TENM4: variants seen among roughly 807,000 people sequenced by gnomAD.
The protein encoded by TENM4 is teneurin-4.
Under a neutral mutation model 243.3 loss-of-function variants are expected in TENM4, and 82 were observed. The observed-to-expected ratio is 0.34, with a 90% CI of 0.28 to 0.40. The LOEUF (loss-of-function observed/expected upper bound fraction) is 0.40, where lower values mean the gene tolerates loss of function less well. Among genes scored for constraint, TENM4 ranks in the 10% least tolerant of loss-of-function variants. The probability of loss-of-function intolerance (pLI) is 1.00; values close to 1 mark genes in which losing one functional copy is unlikely to be tolerated. For missense variants in TENM4, 3,138 were observed against 3,673.3 expected (o/e 0.85, Z 3.77); for synonymous variants, 1,412 against 1,456.3 (o/e 0.97, Z 0.69).
At chr11:79,181,428 G>C (rs1466276882) in intron 3 of TENM4, among the ~76,000 whole-genome samples, 2 of 152,140 alleles carry the variant, frequency 1.3e-5, no homozygotes, top group Non-Finnish European at 2.9e-5. Context: ...ATGAGGAATA[G>C]AAGGGAACTT....
At chr11:79,018,835 G>A (rs1476912972) in intron 6 of TENM4, among the ~76,000 whole-genome samples, 2 of 152,134 alleles carry the variant, frequency 1.3e-5, no homozygotes, top group African/African-American at 2.4e-5. Flanking sequence ...AGAATGATAG[G>A]GCTGGCAAAG....
intron 1 of TENM4, among the ~76,000 whole-genome samples, chr11:79,407,369 C>T (rs1858595450): frequency 1.3e-5 from 2 of 152,286 alleles, no homozygotes; most frequent in Middle Eastern, 6.8e-3. Flanking sequence ...AGCTAACAAG[C>T]AAACCAATCA....
intron 19 of TENM4, 67 bp from the exon 20 acceptor site, chr11:78,738,637 A>C (rs749466426): frequency 1.3e-6 from 2 of 1,536,806 alleles, no homozygotes; most frequent in Non-Finnish European, 1.8e-6. Context: ...CTGGCAGGGA[A>C]CCCCGAGAGG....
intron 4 of TENM4, among the ~76,000 whole-genome samples, chr11:79,140,167 G>A (rs777369527): frequency 8.5e-5 from 13 of 152,060 alleles, no homozygotes; most frequent in Non-Finnish European, 1.6e-4. Context: ...CAGTTCCGGC[G>A]TGCAACATGG....
intron 1 of TENM4, among the ~76,000 whole-genome samples, chr11:79,396,762 C>T (rs1858354192): frequency 6.6e-6 from 1 of 152,202 alleles, no homozygotes; most frequent in Admixed American, 6.5e-5. Context: ...CTCCCAAGAC[C>T]TCTCTCCTCT....
chr11:78,987,296 C>A (rs1857940918), intron 6 of TENM4, among the ~76,000 whole-genome samples: 1 of 151,052 alleles, frequency 6.6e-6, no homozygotes, highest in African/African-American at 2.5e-5. Flanking sequence ...CAATGAGAAG[C>A]TTCACAGCAA....
At chr11:79,057,377 T>C (rs1433325275) in intron 6 of TENM4, among the ~76,000 whole-genome samples, 2 of 152,044 alleles carry the variant, frequency 1.3e-5, no homozygotes, top group Non-Finnish European at 2.9e-5. Context: ...CCCTAGCACC[T>C]GCCCTTCCCT....
At chr11:79,408,564 T>C (rs1321984296) in intron 1 of TENM4, among the ~76,000 whole-genome samples, 1 of 152,196 alleles carries the variant, frequency 6.6e-6, no homozygotes, top group African/African-American at 2.4e-5. Flanking sequence ...ATACCTGGCA[T>C]ATACAGGTAT....
At chr11:78,874,041 T>A (rs918810973) in intron 9 of TENM4, among the ~76,000 whole-genome samples, 4 of 152,046 alleles carry the variant, frequency 2.6e-5, no homozygotes, top group Non-Finnish European at 5.9e-5. Flanking sequence ...CCTGGGCCCT[T>A]ATCATTATTT....
At chr11:78,810,383 A>C (rs1857472879) in intron 14 of TENM4, among the ~76,000 whole-genome samples, 1 of 152,188 alleles carries the variant, frequency 6.6e-6, no homozygotes, top group African/African-American at 2.4e-5. Context: ...ATGCCAGCTC[A>C]TCTGGGGAAG....
At chr11:79,171,926 T>C (rs78289954) in intron 3 of TENM4, among the ~76,000 whole-genome samples, 12,404 of 152,232 alleles carry the variant, frequency 0.081, 1,052 homozygotes, top group East Asian at 0.43. Flanking sequence ...CAGGTCACTT[T>C]TGAGGGTGAA....
At chr11:78,799,390 GTCCAGGCCTTCTGGC>G (rs1330433885) in intron 15 of TENM4, among the ~76,000 whole-genome samples, 5 of 152,192 alleles carry the variant, frequency 3.3e-5, no homozygotes, top group Non-Finnish European at 7.3e-5. Flanking sequence ...ACAGATTCAG[GTCCAGGCCTTCTGGC>G]TCCAAACCTT....
intron 2 of TENM4, among the ~76,000 whole-genome samples, chr11:79,255,522 T>C (rs1019956493): frequency 6.6e-6 from 1 of 152,226 alleles, no homozygotes; most frequent in African/African-American, 2.4e-5. Context: ...TAAAGATTCA[T>C]TTGACTTTAT....
intron 14 of TENM4, among the ~76,000 whole-genome samples, chr11:78,807,236 T>C (rs1178627429): frequency 6.6e-6 from 1 of 152,188 alleles, no homozygotes; most frequent in Non-Finnish European, 1.5e-5. Context: ...CTGGATCATA[T>C]GGTAAATTCT....
intron 3 of TENM4, among the ~76,000 whole-genome samples, chr11:79,154,630 G>T (rs1351821122): frequency 1.3e-5 from 2 of 152,072 alleles, no homozygotes; most frequent in African/African-American, 4.8e-5. Context: ...TATGCTCAAG[G>T]AGTAAGTGCC....
intron 1 of TENM4, among the ~76,000 whole-genome samples, chr11:79,398,133 G>A (rs1486149576): frequency 6.6e-6 from 1 of 152,096 alleles, no homozygotes; most frequent in East Asian, 1.9e-4. Context: ...AGAAAATGCA[G>A]CATCGGCCCA....
At chr11:79,420,824 A>G (rs752352980) in intron 1 of TENM4, among the ~76,000 whole-genome samples, 3 of 152,206 alleles carry the variant, frequency 2.0e-5, no homozygotes, top group Admixed American at 6.5e-5. Flanking sequence ...GGACAGAGGT[A>G]GGAGCAGTCA....
intron 4 of TENM4, among the ~76,000 whole-genome samples, chr11:79,082,485 C>G (rs531342722): frequency 6.6e-6 from 1 of 152,196 alleles, no homozygotes; most frequent in Non-Finnish European, 1.5e-5. Context: ...CTTCCACGGC[C>G]TCAGTTTTCT....
chr11:78,857,966 C>T (rs1020792243), intron 10 of TENM4, among the ~76,000 whole-genome samples: 3 of 152,170 alleles, frequency 2.0e-5, no homozygotes, highest in Non-Finnish European at 2.9e-5. Context: ...GAGCTTTTTC[C>T]TCCTAGAAAC....
Sources: allele counts gnomAD v4.1 joint callset (sites outside exome capture counted in the v4.1 genomes callset), GRCh38; gene constraint gnomAD v4.1.1; transcripts MANE v1.5; gene names NCBI Gene and HGNC (gene_info 2026-07-23, HGNC 2026-07-21).